LY86: variants seen among roughly 807,000 people sequenced by gnomAD.
LY86 encodes lymphocyte antigen 86, also known as MD-1, RP105-associated.
Under a neutral mutation model 17.3 loss-of-function variants are expected in LY86, and 20 were observed. That is an observed-to-expected ratio of 1.15 (90% CI 0.81 to 1.68). The LOEUF (loss-of-function observed/expected upper bound fraction) is 1.68, where lower values mean the gene tolerates loss of function less well. LY86 is among the 40% of genes most tolerant of loss of function. The pLI is 0.00. For missense variants in LY86, 200 were observed against 191.9 expected (o/e 1.04, Z -0.25); for synonymous variants, 74 against 70.6 (o/e 1.05, Z -0.24).
At chr6:6,639,526 G>A (rs1449701210) in intron 3 of LY86, among the ~76,000 whole-genome samples, 1 of 152,150 alleles carries the variant, frequency 6.6e-6, no homozygotes, top group African/African-American at 2.4e-5. Context: ...GTTTCTTCTG[G>A]AGGCCCAGGG....
intron 1 of LY86, among the ~76,000 whole-genome samples, chr6:6,594,067 T>C (rs1760623848): frequency 6.6e-6 from 1 of 152,252 alleles, no homozygotes; most frequent in South Asian, 2.1e-4. Context: ...TTCTGGATTG[T>C]ATTTTTTGGC....
At chr6:6,632,935 C>G (rs1356631759) in intron 3 of LY86, among the ~76,000 whole-genome samples, 1 of 152,164 alleles carries the variant, frequency 6.6e-6, no homozygotes, top group African/African-American at 2.4e-5. Flanking sequence ...CACCCACAGC[C>G]CTGTCTAGCT....
intron 3 of LY86, among the ~76,000 whole-genome samples, chr6:6,639,039 A>G (rs986874708): frequency 2.6e-5 from 4 of 152,094 alleles, no homozygotes; most frequent in Non-Finnish European, 4.4e-5. Flanking sequence ...ATGTCCAACA[A>G]TGATAGACTG....
At chr6:6,651,920 G>T (rs1045557851) in intron 4 of LY86, among the ~76,000 whole-genome samples, 1 of 151,864 alleles carries the variant, frequency 6.6e-6, no homozygotes, top group African/African-American at 2.4e-5. Flanking sequence ...ACCAGTCATG[G>T]TGGTGCACGC....
chr6:6,628,858 G>C (rs2113144425), intron 3 of LY86, among the ~76,000 whole-genome samples: 1 of 152,304 alleles, frequency 6.6e-6, no homozygotes, highest in East Asian at 1.9e-4. Context: ...AGTTTTACCA[G>C]TTCACCTTAA....
At chr6:6,598,584 C>G (rs983409311) in intron 1 of LY86, among the ~76,000 whole-genome samples, 1 of 152,210 alleles carries the variant, frequency 6.6e-6, no homozygotes. Context: ...CTATTACATG[C>G]TTAAGACAAT....
chr6:6,610,835 G>A (rs931652994), intron 1 of LY86, among the ~76,000 whole-genome samples: 4 of 152,156 alleles, frequency 2.6e-5, no homozygotes, highest in Admixed American at 6.5e-5. Context: ...AAGAAGGTGA[G>A]CATGTCTGAG....
At chr6:6,612,006 T>C (rs1761357757) in intron 1 of LY86, among the ~76,000 whole-genome samples, 1 of 152,000 alleles carries the variant, frequency 6.6e-6, no homozygotes, top group Non-Finnish European at 1.5e-5. Context: ...CTGAACACTA[T>C]GAAAATAATC....
At chr6:6,605,748 G>A (rs1306917153) in intron 1 of LY86, among the ~76,000 whole-genome samples, 3 of 152,220 alleles carry the variant, frequency 2.0e-5, no homozygotes, top group South Asian at 2.1e-4. Context: ...AAGGCAGTGT[G>A]TCCAGAACTT....
At chr6:6,630,583 C>T (rs1373171503) in intron 3 of LY86, among the ~76,000 whole-genome samples, 1 of 152,206 alleles carries the variant, frequency 6.6e-6, no homozygotes, top group African/African-American at 2.4e-5. Context: ...TTAATGACCA[C>T]AACTAATTCC....
chr6:6,608,056 A>G (rs921574072), intron 1 of LY86, among the ~76,000 whole-genome samples: 1 of 152,254 alleles, frequency 6.6e-6, no homozygotes, highest in African/African-American at 2.4e-5. Flanking sequence ...TCTACAGTGA[A>G]CAATACATTT....
At chr6:6,600,587 C>CAAAAAAAAAAAAAAAAAAAAAAAAAAA (rs59560744) in intron 1 of LY86, among the ~76,000 whole-genome samples, 1 of 82,450 alleles carries the variant, frequency 1.2e-5, no homozygotes, top group Non-Finnish European at 2.3e-5. Flanking sequence ...GAGACTCCAT[C>CAAAAAAAAAAAAAAAAAAAAAAAAAAA]AAAAAAAAAA....
chr6:6,612,249 T>C (rs1043362917), intron 1 of LY86, among the ~76,000 whole-genome samples: 3 of 152,190 alleles, frequency 2.0e-5, no homozygotes, highest in African/African-American at 7.2e-5. Context: ...CAGAGTTTAT[T>C]CCTTCTGATG....
intron 3 of LY86, among the ~76,000 whole-genome samples, chr6:6,643,360 T>A (rs181838767): frequency 1.3e-5 from 2 of 152,304 alleles, no homozygotes; most frequent in Non-Finnish European, 2.9e-5. Context: ...ATTCTGCCAT[T>A]TGCAACAACG....
At chr6:6,611,245 G>GT (rs1361966756) in intron 1 of LY86, among the ~76,000 whole-genome samples, 2 of 152,306 alleles carry the variant, frequency 1.3e-5, no homozygotes, top group Non-Finnish European at 2.9e-5. Context: ...TGGGACTTGA[G>GT]TTTTTTTGTA....
intron 1 of LY86, among the ~76,000 whole-genome samples, chr6:6,594,519 C>T (rs962874633): frequency 1.3e-5 from 2 of 152,180 alleles, no homozygotes; most frequent in African/African-American, 4.8e-5. Flanking sequence ...GCGTTATAAT[C>T]ATCTGGAACT....
intron 3 of LY86, among the ~76,000 whole-genome samples, chr6:6,636,031 C>T (rs1046149338): frequency 2.0e-5 from 3 of 152,196 alleles, no homozygotes; most frequent in Non-Finnish European, 2.9e-5. Flanking sequence ...CAGCATCACC[C>T]GGAGCCCAGG....
At chr6:6,614,080 G>GT (rs1477565995) in intron 1 of LY86, among the ~76,000 whole-genome samples, 5 of 152,186 alleles carry the variant, frequency 3.3e-5, no homozygotes, top group Non-Finnish European at 5.9e-5. Flanking sequence ...AGGAACACAG[G>GT]CAGCCTTTCC....
intron 3 of LY86, among the ~76,000 whole-genome samples, chr6:6,645,498 G>T (rs1762095533): frequency 6.6e-6 from 1 of 152,102 alleles, no homozygotes; most frequent in African/African-American, 2.4e-5. Context: ...GAGTCAGAGA[G>T]CTGGGTCTCA....
Sources: allele counts gnomAD v4.1 joint callset (sites outside exome capture counted in the v4.1 genomes callset), GRCh38; gene constraint gnomAD v4.1.1; transcripts MANE v1.5; gene names NCBI Gene and HGNC (gene_info 2026-07-23, HGNC 2026-07-21).